The following CDC16 variants were observed in gnomAD, a reference collection of about 807,000 sequenced individuals.
CDC16 encodes cell division cycle 16.
A neutral mutation model predicts 87.0 loss-of-function variants in CDC16; 34 were observed. The ratio of observed to expected loss-of-function variants is 0.39; its 90% CI spans 0.30 to 0.52. The LOEUF is 0.52. CDC16 is among the 20% of genes least tolerant of loss of function. The pLI, the probability that CDC16 is intolerant of heterozygous loss-of-function variation, is 0.74. For synonymous variants in CDC16, 263 were observed against 260.6 expected (o/e 1.01, Z -0.09); for missense variants, 653 against 751.9 (o/e 0.87, Z 1.54).
chr13:114,265,360 C>T, intron 17 of CDC16, 120 bp downstream of exon 17: 1 of 685,050 alleles, frequency 1.5e-6, no homozygotes, highest in Non-Finnish European at 2.6e-6. Context: ...ACCATTCGTG[C>T]TGCATTAAAA....
intron 17 of CDC16, among the ~76,000 whole-genome samples, chr13:114,271,159 G>C (rs1342637910): frequency 6.6e-6 from 1 of 151,974 alleles, no homozygotes; most frequent in African/African-American, 2.4e-5. Flanking sequence ...CTGACCTCGT[G>C]ATCCACCCGC....
rs917682955 is a variant in CDC16, at chr13:114,244,782, C to CGTAA, written c.768-108_768-107insGTAA. Reference sequence around the variant, plus strand: ...GAGTGAAGAAAGTGAAGTGTTACAACCCACAGCATCATATGTGATACCATA... The same window carrying CGTAA: ...GAGTGAAGAAAGTGAAGTGTTACAACGTAACCACAGCATCATATGTGATACCATA... On this transcript the variant is annotated intron_variant, in intron 8 of 17. Transcript: ENST00000356221. The CGTAA allele has an allele frequency of 1.5e-5, 9 of 605,080 alleles. No individual in the cohort carries two copies. The African/African-American group carries it at 1.5e-4, about 10-fold the overall frequency. The allele number at this position is 605,080 out of a possible 1,614,324, so 37.5% of individuals were successfully genotyped here. A position where few individuals can be genotyped will look rare whatever the true frequency, so the allele number is the denominator to read the frequency against.
At position 114,257,143 on chromosome 13, in the gene CDC16, A is replaced by C; in HGVS notation, c.1163A>C (p.Glu388Ala). ...YGLTNNSKLA[E>A]RFFSQALSIA... ...TTGACCAATAACTCAAAACTAGCTG[A>C]AAGGTTCTTCAGCCAAGCTCTGAGC... Residue 388 changes from glutamate (E) to alanine (A), a missense_variant, in exon 13 of 18, where the codon GAA becomes GCA. Physicochemically the swap from Glu to Ala is moderately radical, Grantham distance 107. Coordinates refer to ENST00000356221, the MANE Select transcript of CDC16 (RefSeq NM_001078645.3). The C allele has an allele frequency of 6.2e-7, 1 of 1,612,878 alleles. No individual in the cohort carries two copies. Among genetic ancestry groups the C allele is most frequent in the Non-Finnish European group, 8.5e-7 (1 of 1,178,974 alleles).
In CDC16 at chr13:114,244,953, G is replaced by A; in HGVS notation, c.831G>A (p.Glu277=). The A allele has an allele frequency of 6.3e-7, 1 of 1,591,722 alleles. No homozygotes were observed. Residue 277 remains glutamate (E), a synonymous_variant, in exon 9 of 18, where the codon GAG becomes GAA. Coordinates refer to ENST00000356221, the MANE Select transcript of CDC16 (RefSeq NM_001078645.3). The part of the protein sequence containing the change: ...CLPVHIGTLV[E]LNKANELFYL... ...CTGTACATATAGGGACGCTTGTAGA[G>A]CTGAATAAAGCCAATGGTAAGACTT...
At position 114,238,207 on chromosome 13, in the gene CDC16, G is replaced by T. The variant is rs1056249276; in HGVS notation, c.202-783G>T. Among the ~76,000 whole-genome samples the T allele has an allele frequency of 7.6e-4, 106 of 139,740 alleles. 1 individual carries two copies. The highest frequency in any genetic ancestry group is 2.8e-3 in the African/African-American group (95 of 33,800). 91.7% of individuals were successfully genotyped at this position (139,740 alleles called of 152,430 possible). A position where few individuals can be genotyped will look rare whatever the true frequency, so the allele number is the denominator to read the frequency against. ...ACGCCCAGCAGTTATTCACACTGAG[G>T]GCCTGAAGTGGAGCTGCTGCGATCT... is the stretch of plus-strand genomic sequence containing the variant. On this transcript the variant is annotated intron_variant, in intron 3 of 17. Transcript: ENST00000356221.
At chr13:114,258,759 C>T (rs887421211) in intron 13 of CDC16, among the ~76,000 whole-genome samples, 10 of 152,146 alleles carry the variant, frequency 6.6e-5, no homozygotes, top group African/African-American at 1.4e-4. Flanking sequence ...CTGGCAGCCG[C>T]GGTTCAATAT....
At chr13:114,241,111 G>A (rs2081531030) in intron 5 of CDC16, among the ~76,000 whole-genome samples, 1 of 152,146 alleles carries the variant, frequency 6.6e-6, no homozygotes, top group African/African-American at 2.4e-5. Context: ...TCTAGAATGT[G>A]CATCAGATTT....
rs1341066822 is a variant in CDC16 at position 114,265,237 on chromosome 13, A to C, written c.1600A>C (p.Ile534Leu). ...GTACATTGGTGATTCTGAAGCTTAT[A>C]TTGGTAAGATAATCGTTATTCTTAT... Reference protein sequence around the residue: ...EMYIGDSEAYIGADIKDKLKC... With the variant: ...EMYIGDSEAYLGADIKDKLKC... Residue 534 changes from isoleucine (I) to leucine (L), a missense_variant, in exon 17 of 18, where the codon ATT becomes CTT. By Grantham distance (5) the Ile-to-Leu change is conservative (BLOSUM62 2). Coordinates refer to ENST00000356221, the MANE Select transcript of CDC16 (RefSeq NM_001078645.3). The C allele has an allele frequency of 2.5e-6, 4 of 1,584,096 alleles. No homozygotes were observed. Among genetic ancestry groups the C allele is most frequent in the Non-Finnish European group, 3.5e-6 (4 of 1,152,828 alleles).
chr13:114,254,932 C>T (rs971142029), intron 12 of CDC16, among the ~76,000 whole-genome samples: 2 of 152,204 alleles, frequency 1.3e-5, no homozygotes, highest in African/African-American at 4.8e-5. Context: ...TACCTGGAGG[C>T]TTCATCTGCA....
In CDC16 at chr13:114,272,599, C is replaced by A; in HGVS notation, c.*156C>A. On this transcript the variant is annotated 3_prime_UTR_variant, in exon 18 of 18. Coordinates refer to ENST00000356221, the MANE Select transcript of CDC16 (RefSeq NM_001078645.3). ...CCGCCTTAAGAGACTGGATCGCACACCTTTGCAACAGATGTGTTCTGATTC... is the reference window on the plus strand; with the variant it reads ...CCGCCTTAAGAGACTGGATCGCACAACTTTGCAACAGATGTGTTCTGATTC... 1.7e-6 allele frequency: 1 copy of A among 583,678 alleles called. No individual in the cohort carries two copies. Among genetic ancestry groups the A allele is most frequent in the Non-Finnish European group, 3.0e-6 (1 of 337,626 alleles). The allele number at this position is 583,678 out of a possible 1,614,324, so 36.2% of individuals were successfully genotyped here. A position where few individuals can be genotyped will look rare whatever the true frequency, so the allele number is the denominator to read the frequency against.
intron 12 of CDC16, among the ~76,000 whole-genome samples, chr13:114,255,493 A>G (rs903128268): frequency 3.9e-5 from 6 of 152,206 alleles, no homozygotes; most frequent in African/African-American, 1.4e-4. Flanking sequence ...AAAATGTTCC[A>G]GAAGCCCAAA....
chr13:114,264,650 C>T (rs1029723358), intron 16 of CDC16, among the ~76,000 whole-genome samples: 3 of 152,048 alleles, frequency 2.0e-5, no homozygotes, highest in African/African-American at 4.8e-5. Context: ...TTTGCTTTGT[C>T]GCCTAGGCTA....
At position 114,250,404 on chromosome 13, in the gene CDC16, A is replaced by T. The variant is rs192764370; in HGVS notation, c.972-145A>T. 578 of 622,660 alleles carry T rather than the reference A, an allele frequency of 9.3e-4. 2 individuals are homozygous for T. The African/African-American group carries it at 9.4e-3, about 10-fold the overall frequency. 38.6% of individuals were successfully genotyped at this position (622,660 alleles called of 1,614,324 possible). A position where few individuals can be genotyped will look rare whatever the true frequency, so the allele number is the denominator to read the frequency against. ...CTACTCGGGAGGTTGAGGTAGGAGA[A>T]TTGCTTGGTATCTGGAGGCGGAGGC... On this transcript the variant is annotated intron_variant, in intron 11 of 17. Transcript: ENST00000356221.
intron 17 of CDC16, among the ~76,000 whole-genome samples, chr13:114,268,142 GA>G (rs1566689855): frequency 6.6e-6 from 1 of 152,100 alleles, no homozygotes; most frequent in Non-Finnish European, 1.5e-5. Flanking sequence ...AAAGGGGGGG[GA>G]GTTCCCCTAT....
chr13:114,257,225 T>C lies in CDC16; in HGVS notation c.1245T>C (p.Asn415=). Residue 415 remains asparagine (N), a synonymous_variant, in exon 13 of 18, where the codon AAT becomes AAC. Transcript: ENST00000356221. ...AGGTCGGCGTGGTTGCATTTCAGAA[T>C]GGAGAGTAAGTACTGGAAGACCAGA... The part of the protein sequence containing the change: ...MHEVGVVAFQ[N]GEWKTAEKWF... 1 of 1,608,654 alleles carries C rather than the reference T, an allele frequency of 6.2e-7. No homozygotes were observed. Among genetic ancestry groups the C allele is most frequent in the Non-Finnish European group, 8.5e-7 (1 of 1,175,810 alleles).
chr13:114,265,455 A>G (rs2083143236), intron 17 of CDC16, among the ~76,000 whole-genome samples: 1 of 152,244 alleles, frequency 6.6e-6, no homozygotes, highest in Non-Finnish European at 1.5e-5. Context: ...AAAGCTGAAT[A>G]CTTGCTAAGT....
At chr13:114,245,911 T>C (rs1224567134) in intron 9 of CDC16, 89 bp from the exon 10 acceptor site, 1 of 721,246 alleles carries the variant, frequency 1.4e-6, no homozygotes, top group East Asian at 2.7e-5. Flanking sequence ...AAGAGCAGAA[T>C]TATATGATTG....
At chr13:114,242,539 C>A (rs1239761532) in intron 6 of CDC16, 2 of 393,100 alleles carry the variant, frequency 5.1e-6, no homozygotes, top group East Asian at 9.1e-5. Context: ...ACCAGGATTT[C>A]AGTATCTCAT....
intron 1 of CDC16, among the ~76,000 whole-genome samples, chr13:114,235,959 G>T (rs550577365): frequency 3.3e-5 from 5 of 152,282 alleles, no homozygotes; most frequent in South Asian, 2.1e-4. Context: ...TAACTATCCC[G>T]TTGGCATTCC....
Sources: gnomAD v4.1 joint callset for allele counts (sites outside exome capture counted in the v4.1 genomes callset) on GRCh38, gnomAD v4.1.1 for gene constraint, MANE v1.5 for transcripts, NCBI Gene and HGNC (gene_info 2026-07-23, HGNC 2026-07-21) for gene names.